Variants in ABCA2 observed in about 807,000 individuals in gnomAD.
ABCA2 encodes ATP binding cassette subfamily A member 2.
A neutral mutation model predicts 262.8 loss-of-function variants in ABCA2; 84 were observed. The ratio of observed to expected loss-of-function variants is 0.32; its 90% CI spans 0.27 to 0.38. The LOEUF (loss-of-function observed/expected upper bound fraction) is 0.38, where lower values mean the gene tolerates loss of function less well. ABCA2 is among the 10% of genes least tolerant of loss of function. ABCA2 has a pLI of 1.00. For missense variants in ABCA2, 2,662 were observed against 3,405.9 expected (o/e 0.78, Z 5.44); for synonymous variants, 1,696 against 1,502.9 (o/e 1.13, Z -2.97).
Position 137,014,925 on chromosome 9 carries a change from C to T in ABCA2, c.3870G>A (p.Glu1290=). 1.3e-6 allele frequency: 2 copies of T among 1,568,348 alleles called. No homozygotes were observed. The highest frequency in any genetic ancestry group is 1.7e-6 in the Non-Finnish European group (2 of 1,154,114). ...PSEAAKKGAF[E]RLFQHLERSL... is the part of the protein sequence containing the mutation. ...TGCGCCCTCACACCTGGAAGAGGCG[C>T]TCGAAAGCCCCCTTCTTGGCGGCCT... Residue 1290 remains glutamate, a synonymous_variant, in exon 25 of 49, where the codon GAG becomes GAA. Coordinates refer to ENST00000341511, the MANE Select transcript of ABCA2 (RefSeq NM_001606.5).
rs941238391 is a variant in ABCA2, at chr9:137,019,906, C to T, written c.1425+430G>A. ...GTCCCACCCTCATCCTAGGGACCCC[C>T]TCTACACCCAGGATTGGCCTCGTCC... On this transcript the variant is annotated intron_variant, in intron 10 of 48. Transcript: ENST00000341511. This position sits in a 1 kb window ranked among gnomAD's most constrained non-coding sequence, Gnocchi z 4.4. The T allele has an allele frequency of 9.0e-6, 2 of 222,588 alleles. No homozygotes were observed. Among genetic ancestry groups the T allele is most frequent in the South Asian group, 5.8e-5 (1 of 17,330 alleles). The allele number at this position is 222,588 out of a possible 1,614,324, so 13.8% of individuals were successfully genotyped here. A position where few individuals can be genotyped will look rare whatever the true frequency, so the allele number is the denominator to read the frequency against.
rs890194331 is a variant in ABCA2, at chr9:137,027,970, G to A, written c.66+105C>T. ...GCCCGCGCCGCCCCCAGCGCCCGCC[G>A]GGGTCTGCGCGCGCCCGGCCGTCCG... is the stretch of plus-strand genomic sequence containing the variant. On this transcript the variant is annotated intron_variant, in intron 1 of 48. Transcript: ENST00000341511. 101 of 543,124 alleles carry A rather than the reference G, an allele frequency of 1.9e-4. 1 individual carries two copies. In the African/African-American group the frequency reaches 1.9e-3, roughly 10 times the overall value. 33.6% of individuals were successfully genotyped at this position (543,124 alleles called of 1,614,324 possible).
intron 43 of ABCA2, 61 bp downstream of exon 43, chr9:137,009,708 T>C (rs1008891987): frequency 6.2e-7 from 1 of 1,610,550 alleles, no homozygotes; most frequent in Non-Finnish European, 8.5e-7. Context: ...ACGCTGCCCC[T>C]GCCCGTGCTC....
rs778080648 is a variant in ABCA2, at chr9:137,016,185, G to A, written c.3105-11C>T. 3.7e-6 allele frequency: 6 copies of A among 1,612,450 alleles called. 1 individual carries two copies. The South Asian group carries it at 6.6e-5, about 18-fold the overall frequency. On this transcript the variant is annotated splice_polypyrimidine_tract_variant and intron_variant, in intron 21 of 48. Coordinates refer to ENST00000341511, the MANE Select transcript of ABCA2 (RefSeq NM_001606.5). Reference sequence around the variant, plus strand: ...CCGGTCAGGATGGACCTGGGTAGGTGGGCGGGGTCATGACCCCACGCCCTC... The same window carrying A: ...CCGGTCAGGATGGACCTGGGTAGGTAGGCGGGGTCATGACCCCACGCCCTC...
Position 137,021,487 on chromosome 9 carries a change from C to G in ABCA2, c.802G>C (p.Val268Leu). 2 of 1,611,294 alleles carry G rather than the reference C, an allele frequency of 1.2e-6. No homozygotes were observed. The highest frequency in any genetic ancestry group is 1.1e-5 in the South Asian group (1 of 90,836). The change falls in exon 8 of 49, where the codon GTC becomes CTC. Residue 268 changes from valine (V) to leucine (L), a missense_variant. This residue lies in a region of ABCA2 where 403 missense variants were observed against 375.9 expected (regional missense o/e 1.07). Coordinates refer to ENST00000341511, the MANE Select transcript of ABCA2 (RefSeq NM_001606.5). This position sits in a 1 kb window ranked among gnomAD's most constrained non-coding sequence, Gnocchi z 6.0. Reference sequence around the variant, plus strand: ...CGCGCAGCAGCCTGCCCACTGCAGACAGCATCCCGGTAGCCCTGCAGGGCT... The same window carrying G: ...CGCGCAGCAGCCTGCCCACTGCAGAGAGCATCCCGGTAGCCCTGCAGGGCT... The part of the protein sequence containing the change: ...KGALQGYRDA[V>L]CSGQAAARAR...
chr9:137,015,172 G>T, intron 24 of ABCA2, 75 bp from the exon 25 acceptor site: 1 of 1,475,368 alleles, frequency 6.8e-7, no homozygotes, highest in Non-Finnish European at 9.1e-7. Context: ...AACCCAACTG[G>T]GTCAAGATAT....
At chr9:137,018,878 T>A in intron 12 of ABCA2, 25 bp downstream of exon 12, 1 of 1,611,984 alleles carries the variant, frequency 6.2e-7, no homozygotes. Flanking sequence ...GTGTCGTGGG[T>A]TGGCTCGGAG....
In ABCA2 at chr9:137,028,016, G is replaced by T; in HGVS notation, c.66+59C>A. ...GTCCGCACGTGCGCGCGGGGAGCGC[G>T]CCTCTGGCCGCGGTGCGCGCGGCCT... On this transcript the variant is annotated intron_variant, in intron 1 of 48. Transcript: ENST00000341511. This position sits in a 1 kb window ranked among gnomAD's most constrained non-coding sequence, Gnocchi z 6.9. 2 of 917,668 alleles carry T rather than the reference G, an allele frequency of 2.2e-6. No homozygotes were observed. Among genetic ancestry groups the T allele is most frequent in the Non-Finnish European group, 2.6e-6 (2 of 770,274 alleles). 56.8% of individuals were successfully genotyped at this position (917,668 alleles called of 1,614,324 possible).
In ABCA2 at chr9:137,018,794, C is replaced by T; in HGVS notation, c.1744G>A (p.Gly582Ser). The change falls in exon 13 of 49, where the codon GGC becomes AGC. Residue 582 changes from glycine (G) to serine (S), a missense_variant. Physicochemically the swap from Gly to Ser is moderately conservative, Grantham distance 56 (BLOSUM62 0). This residue lies in a region of ABCA2 where 187 missense variants were observed against 205.9 expected (regional missense o/e 0.91). Transcript: ENST00000341511. The part of the protein sequence containing the change: ...MSKVSVDIFK[G>S]FPDEESIVNY... ...ACAATGCTCTCCTCGTCGGGGAAGCCCTTGAAGATGTCCACGCTCACCTAG... is the reference window on the plus strand; with the variant it reads ...ACAATGCTCTCCTCGTCGGGGAAGCTCTTGAAGATGTCCACGCTCACCTAG... The T allele has an allele frequency of 1.9e-6, 3 of 1,612,662 alleles. No individual in the cohort carries two copies. Among genetic ancestry groups the T allele is most frequent in the Non-Finnish European group, 2.5e-6 (3 of 1,179,862 alleles).
At chr9:137,008,662 G>A (rs1387894881) in intron 47 of ABCA2, 40 bp from the exon 48 acceptor site, 9 of 1,570,028 alleles carry the variant, frequency 5.7e-6, no homozygotes, top group Non-Finnish European at 7.8e-6. Context: ...GGGCTGGTCT[G>A]GGGTGAGGAG....
chr9:137,009,089 C>A (rs761350586), intron 45 of ABCA2, 36 bp from the exon 46 acceptor site: 1 of 1,585,754 alleles, frequency 6.3e-7, no homozygotes, highest in Non-Finnish European at 8.5e-7. Context: ...AGCCCTGCGC[C>A]GCCCAGCCAG....
chr9:137,020,598 C>T (rs1008190653), intron 9 of ABCA2, 96 bp downstream of exon 9: 26 of 1,552,106 alleles, frequency 1.7e-5, no homozygotes, highest in East Asian at 1.4e-4. Context: ...CAGGGCAGGG[C>T]GCCAAATGAG....
chr9:137,012,044 C>T (rs1326170590), intron 34 of ABCA2, 26 bp from the exon 35 acceptor site: 10 of 1,612,248 alleles, frequency 6.2e-6, no homozygotes, highest in South Asian at 1.1e-5. Context: ...CCTCAGTCCT[C>T]ACGGCCGGGG....
Position 137,020,732 on chromosome 9 carries a change from G to A in ABCA2, c.1227C>T (p.Leu409=). The change falls in exon 9 of 49, where the codon CTC becomes CTT. Residue 409 remains leucine, a synonymous_variant. Coordinates refer to ENST00000341511, the MANE Select transcript of ABCA2 (RefSeq NM_001606.5). ...ACAAGATGGGCTGCAGGCCGGCCCA[G>A]AGCTGTACGAAGGCTGAGCACTGGC... ...LQGQCSAFVQ[L]WAGLQPILCG... 1 of 1,601,920 alleles carries A rather than the reference G, an allele frequency of 6.2e-7. No homozygotes were observed. The highest frequency in any genetic ancestry group is 1.7e-5 in the Admixed American group (1 of 59,878).
Position 137,012,727 on chromosome 9 carries a change from C to G in ABCA2, c.5066G>C (p.Arg1689Pro). 1 of 1,612,462 alleles carries G rather than the reference C, an allele frequency of 6.2e-7. No homozygotes were observed. Among genetic ancestry groups the G allele is most frequent in the Non-Finnish European group, 8.5e-7 (1 of 1,179,802 alleles). The change falls in exon 31 of 49, where the codon CGC becomes CCC. Residue 1689 changes from arginine to proline, a missense_variant. Coordinates refer to ENST00000341511, the MANE Select transcript of ABCA2 (RefSeq NM_001606.5). ...CCCAGCTCACCGGTGCAGTCGGAAGCGGTCGGAGGTGAAGAGCAGGTACTC... is the reference window on the plus strand; with the variant it reads ...CCCAGCTCACCGGTGCAGTCGGAAGGGGTCGGAGGTGAAGAGCAGGTACTC... The part of the protein sequence containing the change: ...VSEYLLFTSD[R>P]FRLHRYGAIT...
chr9:137,009,647 G>A lies in ABCA2; in HGVS notation c.6631-3C>T, dbSNP rs1041750794. On this transcript the variant is annotated splice_region_variant and splice_polypyrimidine_tract_variant and intron_variant, in intron 43 of 48. Transcript: ENST00000341511. ...TCCATGCCTGTGGTGGGCTCGTCCT[G>A]GGGATGGGTGGCAGGCTCAGCTGCT... is the stretch of plus-strand genomic sequence containing the variant. 1.9e-6 allele frequency: 3 copies of A among 1,612,574 alleles called. No individual in the cohort carries two copies. The African/African-American group carries it at 4.0e-5, about 22-fold the overall frequency.
rs761671115 is a variant in ABCA2, at chr9:137,011,948, C to T, written c.5431G>A (p.Val1811Ile). Residue 1811 changes from valine to isoleucine, a missense_variant, in exon 35 of 49, where the codon GTT (valine) becomes ATT (isoleucine). Val to Ile is a conservative substitution (Grantham distance 29). Around this residue, in one of 12 missense-constraint regions of ABCA2, gnomAD observed 602 missense variants for 897.4 expected, o/e 0.67. Coordinates refer to ENST00000341511, the MANE Select transcript of ABCA2 (RefSeq NM_001606.5). This position sits in a 1 kb window ranked among gnomAD's most constrained non-coding sequence, Gnocchi z 8.8. ...GACTTCTCGGCCACGAGGAAGACAA[C>T]GAAGCTGGCCGGCACGAAGGACATG... The part of the protein sequence containing the change: ...VAMSFVPASF[V>I]VFLVAEKSTK... The T allele has an allele frequency of 6.2e-6, 10 of 1,612,568 alleles. No homozygotes were observed. The highest frequency in any genetic ancestry group is 3.3e-5 in the South Asian group (3 of 91,086).
Position 137,008,018 on chromosome 9 carries a change from G to T in ABCA2, c.7276-54C>A. ...GGCATCCTGTGCCACCCCCTGCTGG[G>T]GCTGAGGACACTTGTGCTGGCCCGC... On this transcript the variant is annotated intron_variant, in intron 48 of 48. Transcript: ENST00000341511. 4 of 1,581,088 alleles carry T rather than the reference G, an allele frequency of 2.5e-6. No individual in the cohort carries two copies. The South Asian group carries it at 4.5e-5, about 18-fold the overall frequency.
rs1219505661 is a variant in ABCA2, at chr9:137,011,325, G to A, written c.5800-16C>T. On this transcript the variant is annotated splice_polypyrimidine_tract_variant and intron_variant, in intron 37 of 48. Coordinates refer to ENST00000341511, the MANE Select transcript of ABCA2 (RefSeq NM_001606.5). The surrounding 1 kb of genome is among the most constrained non-coding windows in gnomAD (Gnocchi z 8.8). ...CCTTCAGGTCCTGCGGGGTGGCCGG[G>A]GTCAGGGGCACAGGGGTGGCCGGGG... is the stretch of plus-strand genomic sequence containing the variant. The A allele has an allele frequency of 1.2e-6, 2 of 1,607,976 alleles. No individual in the cohort carries two copies. The highest frequency in any genetic ancestry group is 2.7e-5 in the African/African-American group (2 of 74,840).
Sources: gnomAD v4.1 joint callset for allele counts on GRCh38, gnomAD v4.1.1 for gene constraint, gnomAD v4.1.1 regional missense constraint, Gnocchi (gnomAD v3.1) non-coding constraint, MANE v1.5 for transcripts, NCBI Gene and HGNC (gene_info 2026-07-23, HGNC 2026-07-21) for gene names.